The following GLDC variants were observed in gnomAD, a reference collection of about 807,000 sequenced individuals.
GLDC encodes the protein glycine dehydrogenase (decarboxylating), mitochondrial.
In GLDC, 104 loss-of-function variants were observed where a neutral mutation model predicts 121.3. The ratio of observed to expected loss-of-function variants is 0.86; its 90% CI spans 0.73 to 1.01. GLDC has a LOEUF of 1.01. Among genes scored for constraint, GLDC ranks in the 50% least tolerant of loss-of-function variants. The pLI is 0.00. For synonymous variants in GLDC, 546 were observed against 480.6 expected (o/e 1.14, Z -1.78); for missense variants, 1,429 against 1,306.6 (o/e 1.09, Z -1.44).
intron 15 of GLDC, among the ~76,000 whole-genome samples, chr9:6,582,456 G>T (rs1380104844): frequency 6.6e-6 from 1 of 151,970 alleles, no homozygotes; most frequent in Non-Finnish European, 1.5e-5. Flanking sequence ...GGGAGGTGGA[G>T]GCTGCAGTGA....
rs1817026477 is a variant in GLDC at position 6,532,764 on chromosome 9, A to G, written c.*253T>C. On this transcript the variant is annotated 3_prime_UTR_variant, in exon 25 of 25. Coordinates refer to ENST00000321612, the MANE Select transcript of GLDC (RefSeq NM_000170.3). ...TAAAGTTCCTAAAACTTTCTACGCA[A>G]AACACAAAATGGCTCCCAATCCAGG... is the stretch of plus-strand genomic sequence containing the variant. 2.1e-6 allele frequency: 1 copy of G among 486,540 alleles called. No homozygotes were observed. The highest frequency in any genetic ancestry group is 3.3e-5 in the Admixed American group (1 of 30,380). The allele number at this position is 486,540 out of a possible 1,614,324, so 30.1% of individuals were successfully genotyped here.
intron 2 of GLDC, among the ~76,000 whole-genome samples, chr9:6,632,888 C>G (rs1490642779): frequency 6.6e-6 from 1 of 152,164 alleles, no homozygotes; most frequent in East Asian, 1.9e-4. Context: ...GACACTCAAA[C>G]AGGCCTTACA....
At chr9:6,549,556 C>T (rs974149773) in intron 21 of GLDC, among the ~76,000 whole-genome samples, 10 of 152,138 alleles carry the variant, frequency 6.6e-5, no homozygotes, top group African/African-American at 2.4e-4. Flanking sequence ...CTACTTGAGG[C>T]GTTTTGTTCT....
chr9:6,584,325 T>C (rs182395421), intron 15 of GLDC, among the ~76,000 whole-genome samples: 110 of 152,350 alleles, frequency 7.2e-4, no homozygotes, highest in African/African-American at 2.6e-3. Context: ...AAATTCTCCC[T>C]CTGTGCAGAG....
Position 6,545,086 on chromosome 9 carries a change from C to G in GLDC, c.2570-4940G>C, listed in dbSNP as rs193286331. Among the ~76,000 whole-genome samples, 29 of 142,416 alleles carry G rather than the reference C, an allele frequency of 2.0e-4. No individual in the cohort carries two copies. The East Asian group carries it at 5.5e-3, about 27-fold the overall frequency. 93.4% of individuals were successfully genotyped at this position (142,416 alleles called of 152,430 possible). On this transcript the variant is annotated intron_variant, in intron 21 of 24. Coordinates refer to ENST00000321612, the MANE Select transcript of GLDC (RefSeq NM_000170.3). Reference sequence around the variant, plus strand: ...TGCAATCCAGTCTGGGTAACAAGAGCGAAACTCTGTCTCAAAAAAAAGAAA... The same window carrying G: ...TGCAATCCAGTCTGGGTAACAAGAGGGAAACTCTGTCTCAAAAAAAAGAAA...
At chr9:6,602,300 G>A in intron 7 of GLDC, 95 bp from the exon 8 acceptor site, 1 of 815,050 alleles carries the variant, frequency 1.2e-6, no homozygotes, top group Non-Finnish European at 2.1e-6. Flanking sequence ...AGCTTGAAGT[G>A]AATTCAGCAA....
At chr9:6,641,465 C>T (rs1755605) in intron 2 of GLDC, among the ~76,000 whole-genome samples, 44,708 of 152,052 alleles carry the variant, frequency 0.29, 7,097 homozygotes, top group East Asian at 0.51. Context: ...TGTACACCCA[C>T]GACCTTGCAA....
At chr9:6,590,647 C>G (rs1467763330) in intron 11 of GLDC, among the ~76,000 whole-genome samples, 2 of 152,208 alleles carry the variant, frequency 1.3e-5, no homozygotes, top group Non-Finnish European at 2.9e-5. Flanking sequence ...CCTGCAGAAA[C>G]ATGAGCCAAA....
At chr9:6,582,568 G>A (rs1316201104) in intron 15 of GLDC, among the ~76,000 whole-genome samples, 2 of 151,822 alleles carry the variant, frequency 1.3e-5, no homozygotes, top group South Asian at 2.1e-4. Context: ...GGTGGCTCAC[G>A]CCTGTAATCC....
intron 2 of GLDC, among the ~76,000 whole-genome samples, chr9:6,637,839 C>T (rs1250880488): frequency 6.6e-6 from 1 of 151,462 alleles, no homozygotes; most frequent in African/African-American, 2.4e-5. Flanking sequence ...TATTTTAGGA[C>T]TCAACACATT....
In GLDC at chr9:6,533,677, G is replaced by A. The variant is rs145562650; in HGVS notation, c.2920-517C>T. 1.4e-4 allele frequency among the ~76,000 whole-genome samples: 21 copies of A among 151,894 alleles called. No homozygotes were observed. In the Middle Eastern group the frequency reaches 0.017, roughly 124 times the overall value. On this transcript the variant is annotated intron_variant, in intron 24 of 24. Coordinates refer to ENST00000321612, the MANE Select transcript of GLDC (RefSeq NM_000170.3). ...GGTTCGAGACCAGCCTGATCGACAT[G>A]GAGAAACCCCATCTCTACTAAAAAT...
At chr9:6,641,562 T>A (rs917614344) in intron 2 of GLDC, among the ~76,000 whole-genome samples, 1 of 152,218 alleles carries the variant, frequency 6.6e-6, no homozygotes, top group South Asian at 2.1e-4. Context: ...CCTCCATCAC[T>A]TACCAGCTAT....
chr9:6,534,916 AG>A (rs1332586544), intron 23 of GLDC, 128 bp from the exon 24 acceptor site: 2 of 693,836 alleles, frequency 2.9e-6, no homozygotes, highest in African/African-American at 1.8e-5. Context: ...CTTTCAATTT[AG>A]GGGGGTACAA....
chr9:6,609,902 T>C (rs951554960), intron 4 of GLDC, among the ~76,000 whole-genome samples: 6 of 152,066 alleles, frequency 3.9e-5, no homozygotes, highest in Admixed American at 3.3e-4. Context: ...CTCCCAAAAA[T>C]AGTCCCCTCA....
At chr9:6,628,787 G>A (rs556511421) in intron 2 of GLDC, among the ~76,000 whole-genome samples, 3 of 152,270 alleles carry the variant, frequency 2.0e-5, no homozygotes, top group Admixed American at 2.0e-4. Flanking sequence ...CCGGATCCTT[G>A]CCTACAGCTA....
At chr9:6,573,463 AAAAT>A (rs1212411416) in intron 15 of GLDC, among the ~76,000 whole-genome samples, 1 of 152,096 alleles carries the variant, frequency 6.6e-6, no homozygotes, top group African/African-American at 2.4e-5. Context: ...TCTATCTTAA[AAAAT>A]AAATAAATAA....
chr9:6,628,582 G>C (rs1043042958), intron 2 of GLDC, among the ~76,000 whole-genome samples: 5 of 152,210 alleles, frequency 3.3e-5, no homozygotes, highest in African/African-American at 1.2e-4. Flanking sequence ...TTTGAGCCCA[G>C]GAGTTCGAGC....
chr9:6,601,172 C>A (rs897634974), intron 8 of GLDC, among the ~76,000 whole-genome samples: 1 of 151,436 alleles, frequency 6.6e-6, no homozygotes, highest in African/African-American at 2.4e-5. Flanking sequence ...AACTCTGTCT[C>A]GAAAAAACAA....
chr9:6,596,000 T>C (rs1315537799), intron 8 of GLDC, among the ~76,000 whole-genome samples: 7 of 152,140 alleles, frequency 4.6e-5, no homozygotes, highest in African/African-American at 1.7e-4. Context: ...TCAGAAAACA[T>C]GGAAGTAGGC....
Sources: allele counts gnomAD v4.1 joint callset (sites outside exome capture counted in the v4.1 genomes callset), GRCh38; gene constraint gnomAD v4.1.1; transcripts MANE v1.5; gene names NCBI Gene and HGNC (gene_info 2026-07-23, HGNC 2026-07-21).